SGTB: variants seen among roughly 807,000 people sequenced by gnomAD.
SGTB encodes small glutamine-rich tetratricopeptide repeat-containing protein beta.
A neutral mutation model predicts 43.9 loss-of-function variants in SGTB; 19 were observed. That is an observed-to-expected ratio of 0.43 (90% CI 0.30 to 0.63). The LOEUF is 0.63. Ranked by LOEUF, SGTB falls within the 30% of genes least tolerant of loss-of-function variation. SGTB has a pLI of 0.12. For synonymous variants in SGTB, 116 were observed against 117.3 expected, an observed-to-expected ratio of 0.99 and a Z score of 0.07; for missense variants, 304 against 358.9, an observed-to-expected ratio of 0.85 and a Z score of 1.24.
intron 8 of SGTB, among the ~76,000 whole-genome samples, chr5:65,676,750 G>A (rs1424720080): frequency 6.6e-6 from 1 of 152,102 alleles, no homozygotes; most frequent in African/African-American, 2.4e-5. Context: ...CTTCTTGAAT[G>A]AGAAGAATGA....
chr5:65,720,618 T>C, intron 2 of SGTB, 90 bp downstream of exon 2: 2 of 1,464,848 alleles, frequency 1.4e-6, no homozygotes. Context: ...ATTCTGATTA[T>C]GTTACAATAG....
intron 1 of SGTB, among the ~76,000 whole-genome samples, chr5:65,721,218 C>A (rs1291198939): frequency 6.6e-6 from 1 of 152,204 alleles, no homozygotes; most frequent in African/African-American, 2.4e-5. Context: ...CAAGCATCTT[C>A]CTCTTTTTCA....
chr5:65,671,657 G>A lies in SGTB; in HGVS notation c.803+258C>T, dbSNP rs1441880820. ...ATGAACCGGGGGCGGGGGTGGGGGTGGGGGGAAGCATAATAAACATGGTTC... is the reference window on the plus strand; with the variant it reads ...ATGAACCGGGGGCGGGGGTGGGGGTAGGGGGAAGCATAATAAACATGGTTC... On this transcript the variant is annotated intron_variant, in intron 10 of 10. Coordinates refer to ENST00000381007, the MANE Select transcript of SGTB (RefSeq NM_019072.3). Among the ~76,000 whole-genome samples the A allele has an allele frequency of 1.2e-4, 5 of 40,018 alleles. No homozygotes were observed. In the East Asian group the frequency reaches 2.2e-3, roughly 17 times the overall value. The allele number at this position is 40,018 out of a possible 152,430, so 26.3% of individuals were successfully genotyped here. A position where few individuals can be genotyped will look rare whatever the true frequency, so the allele number is the denominator to read the frequency against.
intron 9 of SGTB, 94 bp downstream of exon 9, chr5:65,672,145 TCAGAA>T: frequency 1.3e-6 from 2 of 1,581,980 alleles, no homozygotes; most frequent in Non-Finnish European, 1.7e-6. Context: ...TGACTGTCAT[TCAGAA>T]CAGTTTCATC....
intron 5 of SGTB, among the ~76,000 whole-genome samples, chr5:65,701,009 CAAAA>C (rs1161067337): frequency 6.8e-4 from 11 of 16,118 alleles, no homozygotes; most frequent in Non-Finnish European, 1.5e-4. Flanking sequence ...GACTCCGTCT[CAAAA>C]AAAAAAAAAA....
chr5:65,674,030 A>G (rs1182631342), intron 8 of SGTB, among the ~76,000 whole-genome samples: 1 of 152,194 alleles, frequency 6.6e-6, no homozygotes, highest in Non-Finnish European at 1.5e-5. Context: ...GTGGCCCTCC[A>G]GGTTGAGGGT....
intron 5 of SGTB, among the ~76,000 whole-genome samples, chr5:65,692,593 A>G (rs1315937772): frequency 6.6e-6 from 1 of 152,144 alleles, no homozygotes; most frequent in South Asian, 2.1e-4. Flanking sequence ...AAAAATGTCT[A>G]TCTCGTGAAA....
At chr5:65,694,854 T>C (rs1757688753) in intron 5 of SGTB, among the ~76,000 whole-genome samples, 1 of 152,106 alleles carries the variant, frequency 6.6e-6, no homozygotes, top group Non-Finnish European at 1.5e-5. Context: ...AACATGGTAT[T>C]TTTAAGAAAT....
chr5:65,684,564 T>G (rs1290533764), intron 6 of SGTB, among the ~76,000 whole-genome samples: 2 of 152,080 alleles, frequency 1.3e-5, no homozygotes, highest in Non-Finnish European at 2.9e-5. Flanking sequence ...AATGCTTCTT[T>G]TTTTTTGAGA....
At chr5:65,687,599 C>T (rs1561156070) in intron 5 of SGTB, among the ~76,000 whole-genome samples, 1 of 152,136 alleles carries the variant, frequency 6.6e-6, no homozygotes, top group South Asian at 2.1e-4. Flanking sequence ...AAGCTCTTGT[C>T]GACAGGTGAT....
At chr5:65,701,874 C>G (rs1757831427) in intron 5 of SGTB, among the ~76,000 whole-genome samples, 1 of 152,186 alleles carries the variant, frequency 6.6e-6, no homozygotes, top group African/African-American at 2.4e-5. Context: ...ACCTCGTGAT[C>G]CGCCCGCGTC....
upstream of SGTB, chr5:65,722,479 T>G: frequency 7.0e-7 from 1 of 1,422,638 alleles, no homozygotes; most frequent in Non-Finnish European, 9.6e-7. Flanking sequence ...GTGTGGTGCC[T>G]GGAGCCCGGA....
intron 5 of SGTB, among the ~76,000 whole-genome samples, chr5:65,700,682 C>CAAA (rs376335799): frequency 6.2e-5 from 5 of 80,806 alleles, no homozygotes; most frequent in Admixed American, 1.4e-4. Context: ...CTCTGTCTCC[C>CAAA]AAAAAAAAAA....
At chr5:65,678,370 A>G (rs1361965829) in intron 8 of SGTB, among the ~76,000 whole-genome samples, 2 of 152,162 alleles carry the variant, frequency 1.3e-5, no homozygotes, top group Admixed American at 6.6e-5. Flanking sequence ...GTGGAAAAAC[A>G]CTCCATGCTC....
chr5:65,690,375 G>A (rs1343933825), intron 5 of SGTB, among the ~76,000 whole-genome samples: 4 of 152,146 alleles, frequency 2.6e-5, no homozygotes. Context: ...GGAGGTCGAG[G>A]CTGCAGTGAG....
intron 5 of SGTB, among the ~76,000 whole-genome samples, chr5:65,700,459 G>A (rs1380315325): frequency 6.6e-6 from 1 of 151,828 alleles, no homozygotes; most frequent in African/African-American, 2.4e-5. Context: ...ACGAGGTCAG[G>A]AGATCGAGAC....
At chr5:65,701,621 T>C (rs1396143562) in intron 5 of SGTB, among the ~76,000 whole-genome samples, 1 of 148,116 alleles carries the variant, frequency 6.8e-6, no homozygotes, top group Non-Finnish European at 1.5e-5. Flanking sequence ...ATGTGGCTAT[T>C]TAAATTAAAT....
chr5:65,699,059 A>G (rs1298037776), intron 5 of SGTB, among the ~76,000 whole-genome samples: 2 of 152,238 alleles, frequency 1.3e-5, no homozygotes, highest in Admixed American at 6.5e-5. Context: ...AAAAATCATT[A>G]TATCCAAAAG....
Position 65,670,137 on chromosome 5 carries a change from T to C in SGTB, c.*109A>G. 1 of 826,022 alleles carries C rather than the reference T, an allele frequency of 1.2e-6. No homozygotes were observed. The highest frequency in any genetic ancestry group is 1.9e-6 in the Non-Finnish European group (1 of 515,780). 51.2% of individuals were successfully genotyped at this position (826,022 alleles called of 1,614,324 possible). A position where few individuals can be genotyped will look rare whatever the true frequency, so the allele number is the denominator to read the frequency against. On this transcript the variant is annotated 3_prime_UTR_variant, in exon 11 of 11. Coordinates refer to ENST00000381007, the MANE Select transcript of SGTB (RefSeq NM_019072.3). ...GGTTTTCCTCCATTATTTTCACACA[T>C]CAGATATGGTGTTTGGTTTTTTGAA...
Sources: allele counts gnomAD v4.1 joint callset (sites outside exome capture counted in the v4.1 genomes callset), GRCh38; gene constraint gnomAD v4.1.1; transcripts MANE v1.5; gene names NCBI Gene and HGNC (gene_info 2026-07-23, HGNC 2026-07-21).